ZC3H18: variants seen among roughly 807,000 people sequenced by gnomAD.
ZC3H18 encodes the protein zinc finger CCCH-type containing 18.
Under a neutral mutation model 106.1 loss-of-function variants are expected in ZC3H18, and 8 were observed. The ratio of observed to expected loss-of-function variants is 0.08; its 90% CI spans 0.04 to 0.14. The LOEUF (loss-of-function observed/expected upper bound fraction) is 0.14. Among genes scored for constraint, ZC3H18 ranks in the 10% least tolerant of loss-of-function variants. The pLI, the probability that ZC3H18 is intolerant of heterozygous loss-of-function variation, is 1.00. For synonymous variants in ZC3H18, 635 were observed against 522.1 expected (o/e 1.22, Z -2.95); for missense variants, 1,318 against 1,278.4 (o/e 1.03, Z -0.47).
chr16:88,622,915 C>T (rs1361103683), intron 9 of ZC3H18: 2 of 418,560 alleles, frequency 4.8e-6, no homozygotes, highest in Non-Finnish European at 8.8e-6. Context: ...TAGACACACA[C>T]ACGGACCCAC....
At chr16:88,610,089 C>G (rs974036966) in intron 7 of ZC3H18, among the ~76,000 whole-genome samples, 1 of 152,108 alleles carries the variant, frequency 6.6e-6, no homozygotes, top group Non-Finnish European at 1.5e-5. Flanking sequence ...CACCTCACTG[C>G]TCTCATGGAA....
At position 88,599,938 on chromosome 16, in the gene ZC3H18, A is replaced by G. The variant is rs374973909; in HGVS notation, c.1078A>G (p.Arg360Gly). The change falls in exon 6 of 18, where the codon AGA becomes GGA. Residue 360 changes from arginine (R) to glycine (G), a missense_variant. Arg to Gly is a moderately radical substitution (Grantham distance 125). Around this residue, in one of 6 missense-constraint regions of ZC3H18, gnomAD observed 848 missense variants for 821.7 expected, o/e 1.03. Transcript: ENST00000301011. ...GAATTCTCGGATCCCGAGAGATGTCAGAGACACAGTGTAAGGAATGGCCCT... is the reference window on the plus strand; with the variant it reads ...GAATTCTCGGATCCCGAGAGATGTCGGAGACACAGTGTAAGGAATGGCCCT... ...DWNSRIPRDV[R>G]DTVLEPYADP... The G allele has an allele frequency of 6.8e-6, 11 of 1,613,998 alleles. No individual in the cohort carries two copies. In the African/African-American group the frequency reaches 1.5e-4, roughly 22 times the overall value.
At chr16:88,594,311 T>C (rs1242715609) in intron 3 of ZC3H18, among the ~76,000 whole-genome samples, 1 of 152,374 alleles carries the variant, frequency 6.6e-6, no homozygotes, top group East Asian at 1.9e-4. Flanking sequence ...GAGATATCTT[T>C]AAGTGTCTCT....
At position 88,592,217 on chromosome 16, in the gene ZC3H18, G is replaced by A. The variant is rs142397530; in HGVS notation, c.688+5533G>A. 3.3e-3 allele frequency among the ~76,000 whole-genome samples: 504 copies of A among 152,268 alleles called. 4 individuals carry two copies. Among genetic ancestry groups the A allele is most frequent in the African/African-American group, 0.011 (476 of 41,556 alleles). On this transcript the variant is annotated intron_variant, in intron 3 of 17. Transcript: ENST00000301011. ...TTTTTTTTTGATAGTAGCCATTTCA[G>A]TGGGTAGGAGGTAATATCTTACTGG...
chr16:88,574,918 C>A (rs1187804213), intron 1 of ZC3H18, among the ~76,000 whole-genome samples: 1 of 151,256 alleles, frequency 6.6e-6, no homozygotes, highest in Non-Finnish European at 1.5e-5. Flanking sequence ...CAAGCCCCGC[C>A]CCCTGGGTTC....
chr16:88,610,095 T>C (rs1205673495), intron 7 of ZC3H18, among the ~76,000 whole-genome samples: 2 of 152,150 alleles, frequency 1.3e-5, no homozygotes, highest in African/African-American at 2.4e-5. Flanking sequence ...ACTGCTCTCA[T>C]GGAAGACTGG....
At chr16:88,609,813 C>A (rs1424613832) in intron 7 of ZC3H18, among the ~76,000 whole-genome samples, 1 of 152,030 alleles carries the variant, frequency 6.6e-6, no homozygotes, top group Non-Finnish European at 1.5e-5. Flanking sequence ...GTTGGTCAGG[C>A]TGGTCTCAAA....
rs554236616 is a variant in ZC3H18 at position 88,622,597 on chromosome 16, A to G, written c.1667+209A>G. The G allele has an allele frequency of 2.7e-5, 15 of 549,408 alleles. No individual in the cohort carries two copies. The South Asian group carries it at 3.8e-4, about 14-fold the overall frequency. 34.0% of individuals were successfully genotyped at this position (549,408 alleles called of 1,614,324 possible). A position where few individuals can be genotyped will look rare whatever the true frequency, so the allele number is the denominator to read the frequency against. On this transcript the variant is annotated intron_variant, in intron 9 of 17. Transcript: ENST00000301011. ...AGTAGGACTGACGCAGTGACCCCAA[A>G]TGGGGCACAGACCCCGGCGACTGAG...
chr16:88,630,749 A>ACCCCCCCCC (rs1277102238), intron 17 of ZC3H18, among the ~76,000 whole-genome samples, 168 bp downstream of exon 17: 2 of 43,182 alleles, frequency 4.6e-5, no homozygotes, highest in Non-Finnish European at 5.0e-5. Context: ...TTGCAGCCCC[A>ACCCCCCCCC]CCCCCCACCC....
At position 88,599,967 on chromosome 16, in the gene ZC3H18, T is replaced by A. The variant is rs1172384898; in HGVS notation, c.1088+19T>A. The A allele has an allele frequency of 6.2e-7, 1 of 1,612,110 alleles. No homozygotes were observed. The highest frequency in any genetic ancestry group is 1.3e-5 in the African/African-American group (1 of 74,972). ...ACACAGTGTAAGGAATGGCCCTGCC[T>A]GCCCCTCCGTTTCCTTCCTGCATGC... On this transcript the variant is annotated intron_variant, in intron 6 of 17. Coordinates refer to ENST00000301011, the MANE Select transcript of ZC3H18 (RefSeq NM_144604.4).
chr16:88,625,026 G>A (rs1906215165), intron 12 of ZC3H18, among the ~76,000 whole-genome samples, 176 bp from the exon 13 acceptor site: 1 of 152,204 alleles, frequency 6.6e-6, no homozygotes, highest in South Asian at 2.1e-4. Context: ...CCGAGAGACT[G>A]TACTTTTTAT....
At chr16:88,584,739 C>G (rs566665688) in intron 2 of ZC3H18, among the ~76,000 whole-genome samples, 1 of 152,180 alleles carries the variant, frequency 6.6e-6, no homozygotes, top group Non-Finnish European at 1.5e-5. Context: ...CTACAGGGTC[C>G]TCCCTCCAAT....
intron 1 of ZC3H18, among the ~76,000 whole-genome samples, chr16:88,575,800 A>C (rs1458162578): frequency 6.6e-6 from 1 of 151,630 alleles, no homozygotes; most frequent in Admixed American, 6.6e-5. Context: ...TGCAGCCTCC[A>C]CCTCCTGGGC....
chr16:88,571,685 A>G (rs1034954445), intron 1 of ZC3H18: 2 of 985,266 alleles, frequency 2.0e-6, no homozygotes, highest in African/African-American at 1.7e-5. Flanking sequence ...AAGTTAACCT[A>G]TGGCCTACAT....
intron 16 of ZC3H18, 70 bp from the exon 17 acceptor site, chr16:88,630,415 C>T (rs933146489): frequency 3.3e-5 from 42 of 1,272,684 alleles, no homozygotes; most frequent in Non-Finnish European, 3.6e-5. Context: ...TCCCTGGCAT[C>T]GGTGAGGCCA....
intron 6 of ZC3H18, chr16:88,608,399 T>C (rs1478262645): frequency 1.3e-5 from 2 of 152,254 alleles, no homozygotes; most frequent in Admixed American, 1.3e-4. Flanking sequence ...GTTTCACTCT[T>C]GTTGCCCAGG....
At position 88,624,706 on chromosome 16, in the gene ZC3H18, C is replaced by T; in HGVS notation, c.2003C>T (p.Ala668Val). ...ACCAAGCCAGGAGACCCTCGGGAAG[C>T]CAGGAGGAAGGAGCGGCCAGCCAGG... Reference protein sequence around the residue: ...EPTKPGDPREARRKERPARTP... With the variant: ...EPTKPGDPREVRRKERPARTP... The change falls in exon 12 of 18, where the codon GCC becomes GTC. Residue 668 changes from alanine (A) to valine (V), a missense_variant. Physicochemically the swap from Ala to Val is moderately conservative, Grantham distance 64. Transcript: ENST00000301011. 1.2e-6 allele frequency: 2 copies of T among 1,613,598 alleles called. No individual in the cohort carries two copies. The highest frequency in any genetic ancestry group is 1.7e-6 in the Non-Finnish European group (2 of 1,179,882).
intron 1 of ZC3H18, 121 bp from the exon 2 acceptor site, chr16:88,576,989 G>C: frequency 5.2e-6 from 5 of 964,194 alleles, no homozygotes; most frequent in South Asian, 2.0e-5. Flanking sequence ...TGTGGGATTT[G>C]GGGCAGGGCC....
Position 88,628,765 on chromosome 16 carries a change from A to T in ZC3H18, c.2477A>T (p.Asp826Val). 1 of 1,613,974 alleles carries T rather than the reference A, an allele frequency of 6.2e-7. No individual in the cohort carries two copies. The highest frequency in any genetic ancestry group is 8.5e-7 in the Non-Finnish European group (1 of 1,179,934). The change falls in exon 16 of 18, where the codon GAT (aspartate) becomes GTT (valine). Residue 826 changes from aspartate (D) to valine (V), a missense_variant. By Grantham distance (152) the Asp-to-Val change is radical. Coordinates refer to ENST00000301011, the MANE Select transcript of ZC3H18 (RefSeq NM_144604.4). ...IKLTLLNKAA[D>V]KGSRKRYEPS... ...GCCTCTCTCTTGTCCCAGGCGGCTGATAAAGGAAGCAGGAAGCGCTATGAA... is the reference window on the plus strand; with the variant it reads ...GCCTCTCTCTTGTCCCAGGCGGCTGTTAAAGGAAGCAGGAAGCGCTATGAA...
Sources: allele counts gnomAD v4.1 joint callset (sites outside exome capture counted in the v4.1 genomes callset), GRCh38; gene constraint gnomAD v4.1.1; regional missense constraint gnomAD v4.1.1; transcripts MANE v1.5; gene names NCBI Gene and HGNC (gene_info 2026-07-23, HGNC 2026-07-21).